RAB40B: variants seen among roughly 807,000 people sequenced by gnomAD.
RAB40B encodes the protein ras-related protein Rab-40B.
In RAB40B, 21 loss-of-function variants were observed where a neutral mutation model predicts 24.0. That is an observed-to-expected ratio of 0.88 (90% CI 0.62 to 1.26). RAB40B has a LOEUF of 1.26. Among genes scored for constraint, RAB40B ranks in the 50% most tolerant of loss-of-function variants. The pLI, the probability that RAB40B is intolerant of heterozygous loss-of-function variation, is 0.00. For missense variants in RAB40B, 348 were observed against 390.5 expected, an observed-to-expected ratio of 0.89 and a Z score of 0.92; for synonymous variants, 167 against 169.8, an observed-to-expected ratio of 0.98 and a Z score of 0.13.
chr17:82,669,653 TA>T (rs931620396), intron 1 of RAB40B, among the ~76,000 whole-genome samples: 4 of 150,666 alleles, frequency 2.7e-5, no homozygotes, highest in African/African-American at 9.8e-5. Context: ...ACTCTGTCTC[TA>T]AAAAAAAATG....
intron 1 of RAB40B, among the ~76,000 whole-genome samples, chr17:82,678,816 A>G (rs1228771390): frequency 6.6e-6 from 1 of 150,546 alleles, no homozygotes; most frequent in African/African-American, 2.4e-5. Flanking sequence ...TTACACCTGC[A>G]CCGTAAAATG....
chr17:82,693,058 A>C (rs1568047107), intron 1 of RAB40B, among the ~76,000 whole-genome samples: 1 of 151,108 alleles, frequency 6.6e-6, no homozygotes, highest in Non-Finnish European at 1.5e-5. Flanking sequence ...GCTGGTGTGC[A>C]GTGGTGCGAT....
intron 1 of RAB40B, among the ~76,000 whole-genome samples, chr17:82,665,374 C>T (rs1380554896): frequency 6.6e-6 from 1 of 152,030 alleles, no homozygotes; most frequent in East Asian, 1.9e-4. Context: ...CACCTCAGTC[C>T]CCTGAGTAGC....
chr17:82,673,322 C>T (rs74456423), intron 1 of RAB40B, among the ~76,000 whole-genome samples: 3 of 152,202 alleles, frequency 2.0e-5, no homozygotes, highest in South Asian at 2.1e-4. Flanking sequence ...AATCTGCTCT[C>T]GGTACCTGCA....
At chr17:82,658,343 T>A in intron 5 of RAB40B, 148 bp downstream of exon 5, 3 of 1,085,642 alleles carry the variant, frequency 2.8e-6, no homozygotes, top group Non-Finnish European at 2.6e-6. Flanking sequence ...AAAGCTGTAG[T>A]CATTACTTCT....
intron 1 of RAB40B, among the ~76,000 whole-genome samples, chr17:82,676,739 T>C (rs1197633518): frequency 6.6e-6 from 1 of 152,098 alleles, no homozygotes; most frequent in Admixed American, 6.6e-5. Context: ...GCGATTCTCC[T>C]GCCTCAGCCT....
chr17:82,666,764 G>C (rs1011005359), intron 1 of RAB40B, among the ~76,000 whole-genome samples: 1 of 152,104 alleles, frequency 6.6e-6, no homozygotes, highest in Non-Finnish European at 1.5e-5. Context: ...ACAATGACAC[G>C]TACAATCACA....
chr17:82,695,196 TC>T (rs60183674), intron 1 of RAB40B, among the ~76,000 whole-genome samples: 3 of 148,076 alleles, frequency 2.0e-5, no homozygotes, highest in Admixed American at 6.6e-5. Flanking sequence ...TTTCTTTCTT[TC>T]TTTTTTTTTT....
At position 82,656,043 on chromosome 17, in the gene RAB40B, G is replaced by A. The variant is rs1163231575; in HGVS notation, c.*1820C>T. On this transcript the variant is annotated 3_prime_UTR_variant, in exon 6 of 6. Transcript: ENST00000571995. ...GGCTCACTGCAACCCCTGCCTCCCAGGTTCAAGTGATTCTCCTGCTTCAGC... is the reference window on the plus strand; with the variant it reads ...GGCTCACTGCAACCCCTGCCTCCCAAGTTCAAGTGATTCTCCTGCTTCAGC... The A allele has an allele frequency of 6.6e-6, 1 of 151,206 alleles. No homozygotes were observed. Among genetic ancestry groups the A allele is most frequent in the African/African-American group, 2.4e-5 (1 of 41,120 alleles). 9.4% of individuals were successfully genotyped at this position (151,206 alleles called of 1,614,324 possible).
Position 82,655,424 on chromosome 17 carries a change from A to G in RAB40B, c.*2439T>C, listed in dbSNP as rs1305694837. The stretch of plus-strand genomic sequence containing the variant: ...ATTTTATTCTTTCTAGGACATTATC[A>G]GTAGTCCCGAGGAGACATCAATTAC... On this transcript the variant is annotated 3_prime_UTR_variant, in exon 6 of 6. Coordinates refer to ENST00000571995, the MANE Select transcript of RAB40B (RefSeq NM_006822.3). 1 of 152,252 alleles carries G rather than the reference A, an allele frequency of 6.6e-6. No individual in the cohort carries two copies. Among genetic ancestry groups the G allele is most frequent in the Non-Finnish European group, 1.5e-5 (1 of 68,044 alleles). The allele number at this position is 152,252 out of a possible 1,614,324, so 9.4% of individuals were successfully genotyped here.
At chr17:82,689,299 C>G (rs949404755) in intron 1 of RAB40B, among the ~76,000 whole-genome samples, 3 of 152,256 alleles carry the variant, frequency 2.0e-5, no homozygotes, top group South Asian at 2.1e-4. Context: ...CCACTCTGCA[C>G]CACGGTGGTG....
Position 82,679,118 on chromosome 17 carries a change from C to T in RAB40B, c.143-14562G>A, listed in dbSNP as rs528767993. ...CAGGATAGTCTCGATCTCCTGACCTCGTGATCCACCTGCCTCGGCCTCCCA... is the reference window on the plus strand; with the variant it reads ...CAGGATAGTCTCGATCTCCTGACCTTGTGATCCACCTGCCTCGGCCTCCCA... On this transcript the variant is annotated intron_variant, in intron 1 of 5. Transcript: ENST00000571995. Among the ~76,000 whole-genome samples the T allele has an allele frequency of 3.2e-4, 48 of 150,498 alleles. No individual in the cohort carries two copies. In the East Asian group the frequency reaches 4.4e-3, roughly 14 times the overall value.
In RAB40B at chr17:82,692,434, G is replaced by A. The variant is rs192542275; in HGVS notation, c.142+6021C>T. On this transcript the variant is annotated intron_variant, in intron 1 of 5. Transcript: ENST00000571995. This position sits in a 1 kb window ranked among gnomAD's most constrained non-coding sequence, Gnocchi z 4.0. ...GGCACAGCTGCCTGAGCAAGGACAAGATGCATCTGACTGCCCTGGCCAGCA... is the reference window on the plus strand; with the variant it reads ...GGCACAGCTGCCTGAGCAAGGACAAAATGCATCTGACTGCCCTGGCCAGCA... Among the ~76,000 whole-genome samples the A allele has an allele frequency of 1.3e-5, 2 of 152,346 alleles. No individual in the cohort carries two copies. The highest frequency in any genetic ancestry group is 3.9e-4 in the East Asian group (2 of 5,188).
At chr17:82,677,106 G>A (rs1018252576) in intron 1 of RAB40B, among the ~76,000 whole-genome samples, 19 of 150,506 alleles carry the variant, frequency 1.3e-4, no homozygotes, top group Non-Finnish European at 2.1e-4. Context: ...CCGCCACCAC[G>A]CCCAGCTAAT....
chr17:82,696,633 A>G (rs1200766052), intron 1 of RAB40B: 245 of 92,368 alleles, frequency 2.7e-3, no homozygotes, highest in Admixed American at 3.8e-3. Flanking sequence ...CAGGCGCTCA[A>G]TCTCCAGCCC....
intron 2 of RAB40B, 47 bp from the exon 3 acceptor site, chr17:82,661,094 CTGACAACAGGT>C: frequency 1.9e-6 from 3 of 1,604,424 alleles, no homozygotes; most frequent in Non-Finnish European, 2.6e-6. Context: ...GTGCTTCTTC[CTGACAACAGGT>C]TCTGGAACTT....
chr17:82,658,816 G>A, intron 4 of RAB40B, 103 bp from the exon 5 acceptor site: 1 of 1,051,076 alleles, frequency 9.5e-7, no homozygotes, highest in Non-Finnish European at 1.4e-6. Context: ...ACGAGTTCAT[G>A]TCCACCCAGA....
chr17:82,659,826 T>C (rs2143446810), intron 3 of RAB40B, 169 bp from the exon 4 acceptor site: 1 of 615,770 alleles, frequency 1.6e-6, no homozygotes, highest in Non-Finnish European at 2.9e-6. Context: ...TTCAGTGATA[T>C]TTCATAAGCT....
At chr17:82,682,950 C>T (rs1450065847) in intron 1 of RAB40B, among the ~76,000 whole-genome samples, 2 of 152,210 alleles carry the variant, frequency 1.3e-5, no homozygotes, top group Non-Finnish European at 2.9e-5. Flanking sequence ...CGAGACCATC[C>T]TGGCTAACAA....
Sources: gnomAD v4.1 joint callset for allele counts (sites outside exome capture counted in the v4.1 genomes callset) on GRCh38, gnomAD v4.1.1 for gene constraint, Gnocchi (gnomAD v3.1) non-coding constraint, MANE v1.5 for transcripts, NCBI Gene and HGNC (gene_info 2026-07-23, HGNC 2026-07-21) for gene names.